CEP112: variants seen among roughly 807,000 people sequenced by gnomAD.
CEP112 encodes centrosomal protein 112, also known as centrosomal protein of 112 kDa.
A neutral mutation model predicts 153.0 loss-of-function variants in CEP112; 127 were observed. That is an observed-to-expected ratio of 0.83 (90% confidence interval 0.72 to 0.96). The LOEUF is 0.96. Among genes scored for constraint, CEP112 ranks in the 40% least tolerant of loss-of-function variants. CEP112 has a pLI of 0.00. For synonymous variants in CEP112, 358 were observed against 374.4 expected (o/e 0.96, Z 0.51); for missense variants, 1,089 against 1,101.2 (o/e 0.99, Z 0.16).
At chr17:65,818,360 G>C (rs1467046938) in intron 21 of CEP112, among the ~76,000 whole-genome samples, 2 of 151,736 alleles carry the variant, frequency 1.3e-5, no homozygotes, top group Non-Finnish European at 3.0e-5. Flanking sequence ...CATATTTTAA[G>C]ATATCAAAAT....
intron 19 of CEP112, chr17:65,913,847 G>A (rs78158178): frequency 0.014 from 14,207 of 985,326 alleles, 105 homozygotes; most frequent in Non-Finnish European, 0.016. Context: ...GGAAGCAGGC[G>A]CTATCTCCTG....
intron 21 of CEP112, among the ~76,000 whole-genome samples, chr17:65,804,982 T>G (rs2055511692): frequency 6.6e-6 from 1 of 151,902 alleles, no homozygotes; most frequent in Non-Finnish European, 1.5e-5. Context: ...CAGAGTAGAT[T>G]GCAGTACAGG....
At chr17:65,760,782 C>T (rs530059638) in intron 21 of CEP112, among the ~76,000 whole-genome samples, 2 of 151,902 alleles carry the variant, frequency 1.3e-5, no homozygotes, top group South Asian at 2.1e-4. Context: ...GGAATTATTT[C>T]CTCTGTTTTT....
In CEP112 at chr17:66,176,953, C is replaced by T; in HGVS notation, c.174G>A (p.Met58Ile). ...CATACAGGTTCCGATTCTTCCTCCC[C>T]ATTATTCCTGCACCTGTTCCTGAAG... ...CEPSGTGAGI[M>I]GRKNRNLYAK... is the part of the protein sequence containing the mutation. Residue 58 changes from methionine to isoleucine, a missense_variant, in exon 3 of 27, where the codon ATG becomes ATA. Coordinates refer to ENST00000535342, the MANE Select transcript of CEP112 (RefSeq NM_001199165.4). 1 of 1,613,918 alleles carries T rather than the reference C, an allele frequency of 6.2e-7. No homozygotes were observed. Among genetic ancestry groups the T allele is most frequent in the Non-Finnish European group, 8.5e-7 (1 of 1,179,878 alleles).
At chr17:66,065,303 C>T (rs2067073323) in intron 10 of CEP112, among the ~76,000 whole-genome samples, 1 of 152,016 alleles carries the variant, frequency 6.6e-6, no homozygotes, top group African/African-American at 2.4e-5. Context: ...ATGAGTAAAC[C>T]AAGACCCAGA....
intron 24 of CEP112, among the ~76,000 whole-genome samples, chr17:65,677,586 G>A (rs1052100010): frequency 5.3e-5 from 8 of 152,014 alleles, no homozygotes; most frequent in Non-Finnish European, 1.2e-4. Context: ...CTTGTTTCTA[G>A]TTTAAACTGA....
intron 17 of CEP112, among the ~76,000 whole-genome samples, chr17:65,993,714 C>T (rs535296969): frequency 2.0e-5 from 3 of 152,022 alleles, no homozygotes; most frequent in Non-Finnish European, 4.4e-5. Context: ...TCTCACAAAC[C>T]TAAATATTGA....
At chr17:65,697,416 A>G (rs2048408760) in intron 23 of CEP112, among the ~76,000 whole-genome samples, 1 of 152,230 alleles carries the variant, frequency 6.6e-6, no homozygotes, top group Non-Finnish European at 1.5e-5. Flanking sequence ...TCCTTTTGCC[A>G]TGTAAATTGA....
intron 12 of CEP112, among the ~76,000 whole-genome samples, chr17:66,035,270 G>A (rs2065685938): frequency 6.6e-6 from 1 of 152,002 alleles, no homozygotes; most frequent in Non-Finnish European, 1.5e-5. Flanking sequence ...AACTATGAGA[G>A]GACGTGGTTC....
chr17:65,757,531 A>C lies in CEP112; in HGVS notation c.2395-6807T>G, dbSNP rs2052358993. On this transcript the variant is annotated intron_variant, in intron 21 of 26. Transcript: ENST00000535342. The stretch of plus-strand genomic sequence containing the variant: ...CCAGGAAGCATCAGGACCCACTTGA[A>C]ATTGCCAATGCTGAATTTAAAATGA... Among the ~76,000 whole-genome samples the C allele has an allele frequency of 2.0e-5, 3 of 152,198 alleles. No individual in the cohort carries two copies. The South Asian group carries it at 6.2e-4, about 32-fold the overall frequency.
Position 65,703,523 on chromosome 17 carries a change from G to GAA in CEP112, c.2608-14307_2608-14306dup, listed in dbSNP as rs35175056. Among the ~76,000 whole-genome samples, 1,030 of 125,610 alleles carry GAA rather than the reference G, an allele frequency of 8.2e-3. 31 individuals are homozygous for GAA. Among genetic ancestry groups the GAA allele is most frequent in the Admixed American group, 0.047 (525 of 11,146 alleles). The allele number at this position is 125,610 out of a possible 152,430, so 82.4% of individuals were successfully genotyped here. ...GAGACTCCATCTCAAAAAAAAGAAG[G>GAA]AAAAAAAAAAAAAAAAGCTAAGGTT... On this transcript the variant is annotated intron_variant, in intron 23 of 26. Transcript: ENST00000535342.
intron 19 of CEP112, among the ~76,000 whole-genome samples, chr17:65,909,289 CGG>C (rs1342518415): frequency 6.6e-6 from 1 of 152,144 alleles, no homozygotes; most frequent in Non-Finnish European, 1.5e-5. Context: ...GGTGTAAAAA[CGG>C]GTTATAGCTA....
At chr17:65,992,661 T>C (rs2063636150) in intron 17 of CEP112, among the ~76,000 whole-genome samples, 1 of 152,226 alleles carries the variant, frequency 6.6e-6, no homozygotes, top group Admixed American at 6.5e-5. Context: ...TATTTCTAGA[T>C]GTCTCCTTAA....
At chr17:65,767,216 A>C (rs1414697911) in intron 21 of CEP112, among the ~76,000 whole-genome samples, 1 of 152,132 alleles carries the variant, frequency 6.6e-6, no homozygotes, top group African/African-American at 2.4e-5. Flanking sequence ...TAAAATTAGA[A>C]ATCAATAACA....
At chr17:65,921,355 G>T (rs1225025606) in intron 19 of CEP112, among the ~76,000 whole-genome samples, 12 of 151,722 alleles carry the variant, frequency 7.9e-5, no homozygotes, top group Non-Finnish European at 2.9e-5. Flanking sequence ...CGTTTGTCAT[G>T]ATAAACTTCC....
At chr17:65,971,383 G>GCACC (rs2062789073) in intron 17 of CEP112, among the ~76,000 whole-genome samples, 1 of 80,992 alleles carries the variant, frequency 1.2e-5, no homozygotes, top group African/African-American at 4.0e-5. Context: ...TATGTACATT[G>GCACC]CATGTATATA....
At chr17:66,103,170 G>A (rs1403460533) in intron 6 of CEP112, among the ~76,000 whole-genome samples, 4 of 151,898 alleles carry the variant, frequency 2.6e-5, no homozygotes, top group African/African-American at 9.7e-5. Flanking sequence ...GGTTGCAGTG[G>A]GCCGAGATAG....
intron 24 of CEP112, among the ~76,000 whole-genome samples, chr17:65,652,460 A>C (rs1367618699): frequency 6.6e-6 from 1 of 152,054 alleles, no homozygotes; most frequent in Non-Finnish European, 1.5e-5. Flanking sequence ...TATATGACTT[A>C]ATGGAGATTT....
At chr17:65,649,998 C>G (rs1255427817) in intron 24 of CEP112, among the ~76,000 whole-genome samples, 1 of 152,210 alleles carries the variant, frequency 6.6e-6, no homozygotes, top group Non-Finnish European at 1.5e-5. Context: ...ATATGGCCAA[C>G]AAGGCCCTGT....
Sources: gnomAD v4.1 joint callset for allele counts (sites outside exome capture counted in the v4.1 genomes callset) on GRCh38, gnomAD v4.1.1 for gene constraint, MANE v1.5 for transcripts, NCBI Gene and HGNC (gene_info 2026-07-23, HGNC 2026-07-21) for gene names.